Variants in YPEL1 observed in about 807,000 individuals in gnomAD.
YPEL1 encodes protein yippee-like 1.
YPEL1 carries 7 observed loss-of-function variants against 17.3 expected under a neutral mutation model. The observed-to-expected ratio is 0.40, with a 90% CI of 0.23 to 0.76. The LOEUF (loss-of-function observed/expected upper bound fraction) is 0.76, where lower values mean the gene tolerates loss of function less well. YPEL1 is among the 30% of genes least tolerant of loss of function. The probability of loss-of-function intolerance (pLI) is 0.35; values close to 1 mark genes in which losing one functional copy is unlikely to be tolerated. For synonymous variants in YPEL1, 59 were observed against 59.6 expected, an observed-to-expected ratio of 0.99 and a Z score of 0.05; for missense variants, 91 against 155.5, an observed-to-expected ratio of 0.59 and a Z score of 2.21.
rs1207104814 is a variant in YPEL1, at chr22:21,698,595, C to T, written c.*2534G>A. The stretch of plus-strand genomic sequence containing the variant: ...TTCCCACATGGGAGAGGAATGAAGA[C>T]TCACTCAAAGGGAAGGGTCAGTTTA... On this transcript the variant is annotated 3_prime_UTR_variant, in exon 5 of 5. Coordinates refer to ENST00000339468, the MANE Select transcript of YPEL1 (RefSeq NM_013313.5). The T allele has an allele frequency of 6.6e-6, 1 of 152,374 alleles. No homozygotes were observed. Among genetic ancestry groups the T allele is most frequent in the Non-Finnish European group, 1.5e-5 (1 of 68,046 alleles). The allele number at this position is 152,374 out of a possible 1,614,324, so 9.4% of individuals were successfully genotyped here.
At chr22:21,702,600 G>C (rs2068076290) in intron 4 of YPEL1, among the ~76,000 whole-genome samples, 1 of 152,128 alleles carries the variant, frequency 6.6e-6, no homozygotes, top group Non-Finnish European at 1.5e-5. Flanking sequence ...TCAGGAGTTT[G>C]AGACCATCTC....
chr22:21,729,611 A>G (rs1306624489), intron 1 of YPEL1, among the ~76,000 whole-genome samples: 3 of 152,102 alleles, frequency 2.0e-5, no homozygotes, highest in African/African-American at 7.2e-5. Flanking sequence ...CAAATAATAA[A>G]TTAAATTTAA....
chr22:21,729,475 C>T (rs191256291), intron 1 of YPEL1, among the ~76,000 whole-genome samples: 32 of 150,054 alleles, frequency 2.1e-4, no homozygotes, highest in African/African-American at 7.1e-4. Flanking sequence ...TGGGTGTGCA[C>T]CTGTAGTCCC....
chr22:21,726,489 G>A (rs565988665), intron 1 of YPEL1, among the ~76,000 whole-genome samples: 67 of 152,264 alleles, frequency 4.4e-4, no homozygotes, highest in African/African-American at 1.5e-3. Flanking sequence ...GGTGCTCTCC[G>A]CTCTCGGTCC....
intron 1 of YPEL1, among the ~76,000 whole-genome samples, chr22:21,732,913 C>T (rs190360319): frequency 6.6e-6 from 1 of 152,108 alleles, no homozygotes; most frequent in East Asian, 1.9e-4. Flanking sequence ...TCAACCTGGG[C>T]AACACAGTGA....
At chr22:21,722,667 A>AT (rs1406814993) in intron 1 of YPEL1, among the ~76,000 whole-genome samples, 1 of 151,404 alleles carries the variant, frequency 6.6e-6, no homozygotes, top group African/African-American at 2.4e-5. Flanking sequence ...GGTTTTGTTT[A>AT]TTTTGAATTT....
At chr22:21,726,793 G>T (rs1051544806) in intron 1 of YPEL1, among the ~76,000 whole-genome samples, 1 of 152,100 alleles carries the variant, frequency 6.6e-6, no homozygotes, top group East Asian at 1.9e-4. Context: ...CCTCCCAGCT[G>T]TGAGGCAGAC....
At chr22:21,732,177 C>A (rs1031815826) in intron 1 of YPEL1, among the ~76,000 whole-genome samples, 1 of 152,176 alleles carries the variant, frequency 6.6e-6, no homozygotes, top group African/African-American at 2.4e-5. Flanking sequence ...CATTTGCTGG[C>A]GGAATCGATT....
intron 1 of YPEL1, among the ~76,000 whole-genome samples, chr22:21,727,863 T>C (rs2068350195): frequency 6.6e-6 from 1 of 151,896 alleles, no homozygotes; most frequent in African/African-American, 2.4e-5. Context: ...GGCAGGTGAG[T>C]GTGGGTCCCA....
chr22:21,704,918 A>G (rs1340540534), intron 2 of YPEL1, among the ~76,000 whole-genome samples: 1 of 152,124 alleles, frequency 6.6e-6, no homozygotes, highest in Non-Finnish European at 1.5e-5. Context: ...TCAAGTCTCA[A>G]TCGACCTCAA....
intron 1 of YPEL1, among the ~76,000 whole-genome samples, chr22:21,716,341 G>C (rs1207508814): frequency 6.6e-6 from 1 of 152,218 alleles, no homozygotes; most frequent in Non-Finnish European, 1.5e-5. Flanking sequence ...AAAATAAAAG[G>C]ATGTTTTCTT....
At chr22:21,721,519 G>T (rs992373329) in intron 1 of YPEL1, among the ~76,000 whole-genome samples, 1 of 151,670 alleles carries the variant, frequency 6.6e-6, no homozygotes, top group African/African-American at 2.4e-5. Flanking sequence ...CACCTCCTGG[G>T]TTCAAGCGAT....
intron 1 of YPEL1, chr22:21,723,088 T>C (rs1399253676): frequency 2.6e-5 from 4 of 152,238 alleles, no homozygotes; most frequent in Non-Finnish European, 4.4e-5. Context: ...CTGAACTGCA[T>C]AGCACATTAC....
intron 1 of YPEL1, among the ~76,000 whole-genome samples, chr22:21,715,127 T>C (rs1006264906): frequency 2.6e-5 from 4 of 152,132 alleles, no homozygotes; most frequent in African/African-American, 7.2e-5. Context: ...CATATACATA[T>C]ATGTGTGGAT....
intron 1 of YPEL1, among the ~76,000 whole-genome samples, chr22:21,711,825 CG>C (rs2068169245): frequency 6.6e-6 from 1 of 152,136 alleles, no homozygotes; most frequent in Admixed American, 6.6e-5. Context: ...CTCTTGGATA[CG>C]ATACCAAAAG....
chr22:21,704,146 A>C (rs1326421532), intron 2 of YPEL1: 1 of 718,226 alleles, frequency 1.4e-6, no homozygotes, highest in Non-Finnish European at 2.6e-6. Context: ...GAATCATGGC[A>C]AGATCAGTTT....
In YPEL1 at chr22:21,703,764, A is replaced by G. The variant is rs1033678343; in HGVS notation, c.161+75T>C. ...CCTAAAGACCCAGGTGATTCTACACAGGGCACTGTGTAGGTGCCATCCAGG... is the reference window on the plus strand; with the variant it reads ...CCTAAAGACCCAGGTGATTCTACACGGGGCACTGTGTAGGTGCCATCCAGG... On this transcript the variant is annotated intron_variant, in intron 3 of 4. Coordinates refer to ENST00000339468, the MANE Select transcript of YPEL1 (RefSeq NM_013313.5). The surrounding 1 kb of genome is among the most constrained non-coding windows in gnomAD (Gnocchi z 6.1). 12 of 1,510,574 alleles carry G rather than the reference A, an allele frequency of 7.9e-6. No individual in the cohort carries two copies. In the Admixed American group the frequency reaches 1.8e-4, roughly 22 times the overall value. The allele number at this position is 1,510,574 out of a possible 1,614,324, so 93.6% of individuals were successfully genotyped here. A position where few individuals can be genotyped will look rare whatever the true frequency, so the allele number is the denominator to read the frequency against.
intron 1 of YPEL1, chr22:21,723,072 G>A (rs2068299358): frequency 6.6e-6 from 1 of 152,158 alleles, no homozygotes; most frequent in Admixed American, 6.6e-5. Flanking sequence ...AACTTAGTGT[G>A]GACAACTGAA....
At chr22:21,722,077 T>C (rs1386379441) in intron 1 of YPEL1, among the ~76,000 whole-genome samples, 1 of 152,198 alleles carries the variant, frequency 6.6e-6, no homozygotes, top group East Asian at 1.9e-4. Context: ...GGCTAAATAG[T>C]AGTCCATAAA....
Sources: allele counts gnomAD v4.1 joint callset (sites outside exome capture counted in the v4.1 genomes callset), GRCh38; gene constraint gnomAD v4.1.1; non-coding constraint Gnocchi (gnomAD v3.1); transcripts MANE v1.5; gene names NCBI Gene and HGNC (gene_info 2026-07-23, HGNC 2026-07-21).